Variants in CDH13 observed in about 807,000 individuals in gnomAD.
The protein encoded by CDH13 is cadherin 13.
In CDH13, 24 loss-of-function variants were observed where a neutral mutation model predicts 63.8. That is an observed-to-expected ratio of 0.38 (90% CI 0.27 to 0.53). The LOEUF is 0.53. Among genes scored for constraint, CDH13 ranks in the 20% least tolerant of loss-of-function variants. The pLI, the probability that CDH13 is intolerant of heterozygous loss-of-function variation, is 0.85. For missense variants in CDH13, 1,049 were observed against 903.1 expected (o/e 1.16, Z -2.07); for synonymous variants, 503 against 355.3 (o/e 1.42, Z -4.67).
chr16:83,054,136 C>A (rs191833556), intron 3 of CDH13, among the ~76,000 whole-genome samples: 1 of 152,266 alleles, frequency 6.6e-6, no homozygotes, highest in African/African-American at 2.4e-5. Flanking sequence ...GTAAGCTATA[C>A]CATCTAGGTT....
At chr16:83,720,111 G>A (rs764418230) in intron 10 of CDH13, among the ~76,000 whole-genome samples, 1 of 152,272 alleles carries the variant, frequency 6.6e-6, no homozygotes, top group Admixed American at 6.5e-5. Context: ...TGCTGCTGCC[G>A]AATTTGGGAC....
At chr16:83,421,483 C>T (rs925942192) in intron 6 of CDH13, among the ~76,000 whole-genome samples, 2 of 152,060 alleles carry the variant, frequency 1.3e-5, no homozygotes, top group Non-Finnish European at 2.9e-5. Context: ...TGTTTATTGC[C>T]TGATGGTTGC....
At chr16:83,733,070 C>T (rs1339252579) in intron 10 of CDH13, among the ~76,000 whole-genome samples, 1 of 152,162 alleles carries the variant, frequency 6.6e-6, no homozygotes, top group African/African-American at 2.4e-5. Flanking sequence ...GCAGGAAGCT[C>T]CCCACCTTGA....
chr16:83,118,297 G>A (rs113203308), intron 3 of CDH13, among the ~76,000 whole-genome samples: 6 of 152,244 alleles, frequency 3.9e-5, no homozygotes, highest in South Asian at 2.1e-4. Flanking sequence ...GTGCGAAGAC[G>A]TGTGGCATAT....
intron 7 of CDH13, among the ~76,000 whole-genome samples, chr16:83,504,757 G>A (rs930641369): frequency 1.3e-5 from 2 of 152,202 alleles, no homozygotes; most frequent in Non-Finnish European, 2.9e-5. Context: ...ATTTTCTGGT[G>A]TCTGCTTGGT....
At chr16:82,987,679 G>C (rs750050094) in intron 2 of CDH13, among the ~76,000 whole-genome samples, 1 of 152,108 alleles carries the variant, frequency 6.6e-6, no homozygotes, top group Non-Finnish European at 1.5e-5. Flanking sequence ...GCCAGGCCAT[G>C]AATCAGCCAG....
chr16:83,783,210 A>G lies in CDH13; in HGVS notation c.1916-44A>G, dbSNP rs757763222. On this transcript the variant is annotated intron_variant, in intron 12 of 13. Coordinates refer to ENST00000567109, the MANE Select transcript of CDH13 (RefSeq NM_001257.5). ...ACCAAAACCTCACTCTTTTATTGGA[A>G]AAAGTCTCATCCACTCTCACCAGAA... The G allele has an allele frequency of 1.9e-5, 26 of 1,371,092 alleles. 1 individual carries two copies. In the African/African-American group the frequency reaches 2.7e-4, roughly 14 times the overall value. 84.9% of individuals were successfully genotyped at this position (1,371,092 alleles called of 1,614,324 possible). A position where few individuals can be genotyped will look rare whatever the true frequency, so the allele number is the denominator to read the frequency against.
At chr16:83,037,959 A>G (rs1014433317) in intron 3 of CDH13, among the ~76,000 whole-genome samples, 1 of 152,144 alleles carries the variant, frequency 6.6e-6, no homozygotes, top group Non-Finnish European at 1.5e-5. Context: ...GAGGAAGGAT[A>G]AGGAACTGAG....
In CDH13 at chr16:83,165,114, AG is replaced by A. The variant is rs1436749241; in HGVS notation, c.483+39617del. Among the ~76,000 whole-genome samples the A allele has an allele frequency of 2.6e-5, 4 of 151,900 alleles. No individual in the cohort carries two copies. In the East Asian group the frequency reaches 5.8e-4, roughly 22 times the overall value. On this transcript the variant is annotated intron_variant, in intron 4 of 13. Transcript: ENST00000567109. ...AAAAAAAAAAGTAAAATGTAGGCTA[AG>A]GGGTTGTCCTGTAAGAATTTAGGAA...
intron 11 of CDH13, among the ~76,000 whole-genome samples, chr16:83,775,466 A>G (rs1182735810): frequency 4.6e-5 from 7 of 151,758 alleles, no homozygotes; most frequent in Non-Finnish European, 1.0e-4. Flanking sequence ...ACTCAGCCAG[A>G]CCCCCACATG....
At chr16:82,907,172 C>G (rs531306376) in intron 2 of CDH13, among the ~76,000 whole-genome samples, 25 of 152,140 alleles carry the variant, frequency 1.6e-4, no homozygotes, top group Non-Finnish European at 2.9e-4. Flanking sequence ...TGATGATTGC[C>G]TAGTTCAGTG....
At chr16:83,426,017 T>A (rs1241189924) in intron 6 of CDH13, among the ~76,000 whole-genome samples, 1 of 152,238 alleles carries the variant, frequency 6.6e-6, no homozygotes, top group African/African-American at 2.4e-5. Flanking sequence ...GGTTTCTTTT[T>A]AAGTGGAGGT....
At chr16:83,415,508 G>T (rs2092186934) in intron 6 of CDH13, among the ~76,000 whole-genome samples, 1 of 152,094 alleles carries the variant, frequency 6.6e-6, no homozygotes, top group Non-Finnish European at 1.5e-5. Flanking sequence ...AGAAGCAAAA[G>T]TCCTTAACAA....
Position 82,713,012 on chromosome 16 carries a change from G to C in CDH13, c.45+85875G>C, listed in dbSNP as rs190031958. On this transcript the variant is annotated intron_variant, in intron 1 of 13. Transcript: ENST00000567109. ...CAATGTCCTACTCCCTGGGTGCTTA[G>C]TTAATGCTTATGGAGTGAATAGAAC... is the stretch of plus-strand genomic sequence containing the variant. 2.3e-3 allele frequency among the ~76,000 whole-genome samples: 350 copies of C among 151,792 alleles called. 2 individuals carry two copies. Among genetic ancestry groups the C allele is most frequent in the African/African-American group, 8.2e-3 (338 of 41,406 alleles).
chr16:83,463,839 G>A (rs190201825), intron 6 of CDH13, among the ~76,000 whole-genome samples: 4 of 152,124 alleles, frequency 2.6e-5, no homozygotes, highest in Non-Finnish European at 5.9e-5. Flanking sequence ...GGAGCACTTC[G>A]GATTCTGTTT....
intron 6 of CDH13, among the ~76,000 whole-genome samples, chr16:83,417,944 C>T (rs975375601): frequency 3.9e-5 from 6 of 152,022 alleles, no homozygotes; most frequent in Admixed American, 6.6e-5. Context: ...TAGCATCCTC[C>T]CCACCCCCTT....
chr16:83,628,671 G>A (rs923170070), intron 8 of CDH13, among the ~76,000 whole-genome samples: 8 of 152,166 alleles, frequency 5.3e-5, no homozygotes, highest in Middle Eastern at 3.4e-3. Context: ...CTATCTAGTC[G>A]GTATTTCAAT....
At chr16:82,802,617 C>G (rs977035768) in intron 1 of CDH13, among the ~76,000 whole-genome samples, 5 of 152,178 alleles carry the variant, frequency 3.3e-5, no homozygotes, top group African/African-American at 9.6e-5. Flanking sequence ...GCTTCATGCC[C>G]TTTTCCTATT....
chr16:83,479,902 A>T (rs1451551828), intron 6 of CDH13, among the ~76,000 whole-genome samples: 1 of 152,198 alleles, frequency 6.6e-6, no homozygotes. Flanking sequence ...ATGGAGTGAG[A>T]GGGTGTCAAG....
Sources: allele counts gnomAD v4.1 joint callset (sites outside exome capture counted in the v4.1 genomes callset), GRCh38; gene constraint gnomAD v4.1.1; transcripts MANE v1.5; gene names NCBI Gene and HGNC (gene_info 2026-07-23, HGNC 2026-07-21).